GALNT10: variants seen among roughly 807,000 people sequenced by gnomAD.
GALNT10 encodes the protein GalNAc transferase 10.
GALNT10 carries 41 observed loss-of-function variants against 75.0 expected under a neutral mutation model. That is an observed-to-expected ratio of 0.55 (90% CI 0.43 to 0.71). The LOEUF (loss-of-function observed/expected upper bound fraction) is 0.71, where lower values mean the gene tolerates loss of function less well. Ranked by LOEUF, GALNT10 falls within the 30% of genes least tolerant of loss-of-function variation. GALNT10 has a pLI of 0.00. For missense variants in GALNT10, 727 were observed against 818.5 expected (o/e 0.89, Z 1.36); for synonymous variants, 302 against 313.0 (o/e 0.96, Z 0.37).
At chr5:154,234,758 T>G (rs1329945571) in intron 1 of GALNT10, among the ~76,000 whole-genome samples, 1 of 152,170 alleles carries the variant, frequency 6.6e-6, no homozygotes, top group South Asian at 2.1e-4. Context: ...GGCCTGTGCT[T>G]CTTATCTCTC....
At chr5:154,319,425 T>C (rs1333237969) in intron 3 of GALNT10, among the ~76,000 whole-genome samples, 1 of 152,224 alleles carries the variant, frequency 6.6e-6, no homozygotes, top group East Asian at 1.9e-4. Flanking sequence ...CTTTTGAAAT[T>C]TTTAAAAAAT....
At chr5:154,200,247 C>T (rs1413538948) in intron 1 of GALNT10, among the ~76,000 whole-genome samples, 2 of 152,172 alleles carry the variant, frequency 1.3e-5, no homozygotes, top group African/African-American at 2.4e-5. Flanking sequence ...TCCCATGTGC[C>T]GCCTGGATGC....
At chr5:154,325,419 A>T (rs1208719931) in intron 3 of GALNT10, among the ~76,000 whole-genome samples, 1 of 152,166 alleles carries the variant, frequency 6.6e-6, no homozygotes, top group African/African-American at 2.4e-5. Flanking sequence ...AAGACATAAC[A>T]ACTATAGACC....
At chr5:154,405,649 C>A (rs560486344) in intron 8 of GALNT10, among the ~76,000 whole-genome samples, 95 of 152,216 alleles carry the variant, frequency 6.2e-4, no homozygotes, top group Admixed American at 1.2e-3. Context: ...CTAAAGCATT[C>A]TTTTCCTCTG....
chr5:154,320,807 G>A (rs1754661227), intron 3 of GALNT10, among the ~76,000 whole-genome samples: 1 of 152,172 alleles, frequency 6.6e-6, no homozygotes, highest in Non-Finnish European at 1.5e-5. Flanking sequence ...AAGTCTGGAA[G>A]GTCCCAAAGG....
At chr5:154,256,204 G>A (rs965726250) in intron 1 of GALNT10, among the ~76,000 whole-genome samples, 117 of 152,280 alleles carry the variant, frequency 7.7e-4, no homozygotes, top group African/African-American at 2.5e-3. Flanking sequence ...CATCCCCGGG[G>A]TCATCTCTGC....
intron 3 of GALNT10, among the ~76,000 whole-genome samples, chr5:154,314,645 T>C (rs1754571651): frequency 1.3e-5 from 2 of 151,632 alleles, no homozygotes; most frequent in African/African-American, 2.4e-5. Flanking sequence ...TCCCACAACA[T>C]ACAAACCAGC....
In GALNT10 at chr5:154,409,572, A is replaced by T; in HGVS notation, c.1196A>T (p.Asp399Val). 1 of 1,613,826 alleles carries T rather than the reference A, an allele frequency of 6.2e-7. No individual in the cohort carries two copies. The highest frequency in any genetic ancestry group is 8.5e-7 in the Non-Finnish European group (1 of 1,179,704). ...AAGCGGGTGGCCGAAGTGTGGATGGATGAGTACGCAGAGTACATTTACCAG... is the reference window on the plus strand; with the variant it reads ...AAGCGGGTGGCCGAAGTGTGGATGGTTGAGTACGCAGAGTACATTTACCAG... ...NLKRVAEVWM[D>V]EYAEYIYQRR... Residue 399 changes from aspartate to valine, a missense_variant, in exon 9 of 12, where the codon GAT becomes GTT. Asp to Val is a radical substitution (Grantham distance 152, BLOSUM62 -3). Coordinates refer to ENST00000297107, the MANE Select transcript of GALNT10 (RefSeq NM_198321.4). This position sits in a 1 kb window ranked among gnomAD's most constrained non-coding sequence, Gnocchi z 4.5.
At chr5:154,384,158 C>G (rs1755774577) in intron 6 of GALNT10, among the ~76,000 whole-genome samples, 1 of 152,160 alleles carries the variant, frequency 6.6e-6, no homozygotes, top group African/African-American at 2.4e-5. Context: ...CAGGTCTCTC[C>G]TATGACACCT....
intron 7 of GALNT10, among the ~76,000 whole-genome samples, chr5:154,395,133 C>T (rs970412582): frequency 4.2e-4 from 64 of 152,284 alleles, no homozygotes; most frequent in African/African-American, 1.5e-3. Context: ...CTCTTTCATC[C>T]CTAAAAGTGG....
intron 1 of GALNT10, among the ~76,000 whole-genome samples, chr5:154,266,570 C>A (rs1753777045): frequency 5.7e-5 from 5 of 87,214 alleles, no homozygotes; most frequent in Admixed American, 1.5e-4. Flanking sequence ...TAAAGACTAT[C>A]ATTAAAAAAA....
intron 1 of GALNT10, among the ~76,000 whole-genome samples, chr5:154,233,747 C>T (rs1367869685): frequency 6.6e-6 from 1 of 152,192 alleles, no homozygotes. Flanking sequence ...CCTGAGGATA[C>T]AGGGTAGACA....
intron 1 of GALNT10, among the ~76,000 whole-genome samples, chr5:154,230,369 C>T (rs77694648): frequency 0.018 from 2,757 of 152,228 alleles, 62 homozygotes; most frequent in African/African-American, 0.062. Flanking sequence ...TTACTAGTTA[C>T]GGAGTGTGGA....
intron 4 of GALNT10, among the ~76,000 whole-genome samples, chr5:154,345,799 C>T (rs537986074): frequency 5.6e-5 from 6 of 107,198 alleles, no homozygotes; most frequent in South Asian, 3.2e-4. Flanking sequence ...CTACACCCGG[C>T]GAATTTTTTT....
chr5:154,360,996 A>T lies in GALNT10; in HGVS notation c.569-15281A>T, dbSNP rs552261652. 2.6e-5 allele frequency among the ~76,000 whole-genome samples: 4 copies of T among 152,350 alleles called. No individual in the cohort carries two copies. In the East Asian group the frequency reaches 7.7e-4, roughly 29 times the overall value. ...GAAATGCACCCTTTTAATTGAAAGA[A>T]ATTATAAATTGTTTATTAAAAAGAT... On this transcript the variant is annotated intron_variant, in intron 4 of 11. Transcript: ENST00000297107.
Position 154,197,944 on chromosome 5 carries a change from C to G in GALNT10, c.159+6919C>G, listed in dbSNP as rs567723418. On this transcript the variant is annotated intron_variant, in intron 1 of 11. Coordinates refer to ENST00000297107, the MANE Select transcript of GALNT10 (RefSeq NM_198321.4). ...CTTAACCACCATACTTCCTCCATAT[C>G]TGAGCAGGACAAAGGACCTGTCTTC... 1.3e-4 allele frequency among the ~76,000 whole-genome samples: 20 copies of G among 152,262 alleles called. No homozygotes were observed. In the South Asian group the frequency reaches 3.7e-3, roughly 28 times the overall value.
intron 8 of GALNT10, among the ~76,000 whole-genome samples, chr5:154,407,140 A>G (rs1756298108): frequency 6.6e-6 from 1 of 152,190 alleles, no homozygotes; most frequent in Non-Finnish European, 1.5e-5. Context: ...AAACTTGGTG[A>G]AACAAAAATG....
In GALNT10 at chr5:154,416,480, T is replaced by TACACATACACACAC. The variant is rs1756513008; in HGVS notation, c.1654-329_1654-328insTACACACACACACA. Among the ~76,000 whole-genome samples the TACACATACACACAC allele has an allele frequency of 7.1e-6, 1 of 141,828 alleles. No homozygotes were observed. The highest frequency in any genetic ancestry group is 2.7e-5 in the African/African-American group (1 of 36,794). The allele number at this position is 141,828 out of a possible 152,430, so 93.0% of individuals were successfully genotyped here. A position where few individuals can be genotyped will look rare whatever the true frequency, so the allele number is the denominator to read the frequency against. ...AAATAAAAGATAAAAGGAAAGCACA[T>TACACATACACACAC]ACACACACACACACACACACACACA... On this transcript the variant is annotated intron_variant, in intron 11 of 11. Coordinates refer to ENST00000297107, the MANE Select transcript of GALNT10 (RefSeq NM_198321.4). This position sits in a 1 kb window ranked among gnomAD's most constrained non-coding sequence, Gnocchi z 4.5.
intron 1 of GALNT10, among the ~76,000 whole-genome samples, chr5:154,221,839 A>G (rs1295472278): frequency 1.3e-5 from 2 of 152,252 alleles, no homozygotes; most frequent in East Asian, 3.9e-4. Flanking sequence ...TTATGCTGAC[A>G]CCGCGCTTAC....
Sources: gnomAD v4.1 joint callset for allele counts (sites outside exome capture counted in the v4.1 genomes callset) on GRCh38, gnomAD v4.1.1 for gene constraint, Gnocchi (gnomAD v3.1) non-coding constraint, MANE v1.5 for transcripts, NCBI Gene and HGNC (gene_info 2026-07-23, HGNC 2026-07-21) for gene names.